Variants in SHANK2 observed in about 807,000 individuals in gnomAD.
SHANK2 encodes the protein SH3 and multiple ankyrin repeat domains protein 2.
Under a neutral mutation model 133.7 loss-of-function variants are expected in SHANK2, and 43 were observed. The observed-to-expected ratio is 0.32, with a 90% CI of 0.25 to 0.41. SHANK2 has a LOEUF of 0.41. Among genes scored for constraint, SHANK2 ranks in the 10% least tolerant of loss-of-function variants. SHANK2 has a pLI of 1.00. For synonymous variants in SHANK2, 1,017 were observed against 952.8 expected, an observed-to-expected ratio of 1.07 and a Z score of -1.24; for missense variants, 1,994 against 2,235.8, an observed-to-expected ratio of 0.89 and a Z score of 2.18.
intron 2 of SHANK2, among the ~76,000 whole-genome samples, chr11:71,201,905 T>G (rs1954027871): frequency 6.6e-6 from 1 of 152,250 alleles, no homozygotes; most frequent in Non-Finnish European, 1.5e-5. Context: ...CAGTGGCTTC[T>G]GTCATTGCCA....
Position 70,803,353 on chromosome 11 carries a change from C to T in SHANK2, c.1663+3649G>A, listed in dbSNP as rs575709670. ...ATCCATCTACCCATCCATCCATTTA[C>T]CTATCCATCCATCCATCCACCCACC... On this transcript the variant is annotated intron_variant, in intron 13 of 25. Transcript: ENST00000601538. Among the ~76,000 whole-genome samples the T allele has an allele frequency of 4.3e-3, 556 of 128,916 alleles. 14 individuals carry two copies. The highest frequency in any genetic ancestry group is 0.016 in the African/African-American group (533 of 33,016). The allele number at this position is 128,916 out of a possible 152,430, so 84.6% of individuals were successfully genotyped here.
At chr11:70,482,531 T>C (rs1258251872) in intron 25 of SHANK2, among the ~76,000 whole-genome samples, 1 of 152,244 alleles carries the variant, frequency 6.6e-6, no homozygotes, top group African/African-American at 2.4e-5. Flanking sequence ...CGCGTCTTCC[T>C]GTGAAGTAGC....
intron 2 of SHANK2, among the ~76,000 whole-genome samples, chr11:71,159,712 G>A (rs1555109575): frequency 6.6e-6 from 1 of 152,204 alleles, no homozygotes; most frequent in African/African-American, 2.4e-5. Flanking sequence ...GGCCGGGCAT[G>A]GTGGCTCATG....
At chr11:70,550,056 G>A (rs1334603355) in intron 17 of SHANK2, among the ~76,000 whole-genome samples, 1 of 152,086 alleles carries the variant, frequency 6.6e-6, no homozygotes, top group Non-Finnish European at 1.5e-5. Context: ...CACCACCCCA[G>A]AAGCCAGGAA....
chr11:70,867,422 A>G (rs1225876913), intron 11 of SHANK2, among the ~76,000 whole-genome samples: 1 of 152,236 alleles, frequency 6.6e-6, no homozygotes, highest in African/African-American at 2.4e-5. Flanking sequence ...ACGAGAGGCA[A>G]GAGCCGCTGT....
In SHANK2 at chr11:71,252,515, C is replaced by G. The variant is rs1555126019; in HGVS notation, c.-203G>C. ...TCGGCCGCGGGAACCCGAGCGGCGC[C>G]GCGCCCAGCCCCGCCGGAGCTCAGG... is the stretch of plus-strand genomic sequence containing the variant. On this transcript the variant is annotated 5_prime_UTR_variant, in exon 1 of 26. Coordinates refer to ENST00000601538, the MANE Select transcript of SHANK2 (RefSeq NM_012309.5). The surrounding 1 kb of genome is among the most constrained non-coding windows in gnomAD (Gnocchi z 6.3). 6.6e-6 allele frequency: 1 copy of G among 151,110 alleles called. No homozygotes were observed. The highest frequency in any genetic ancestry group is 1.5e-5 in the Non-Finnish European group (1 of 67,660). The allele number at this position is 151,110 out of a possible 1,614,324, so 9.4% of individuals were successfully genotyped here.
Position 70,624,761 on chromosome 11 carries a change from G to A in SHANK2, c.2061+35067C>T, listed in dbSNP as rs564252183. On this transcript the variant is annotated intron_variant, in intron 17 of 25. Coordinates refer to ENST00000601538, the MANE Select transcript of SHANK2 (RefSeq NM_012309.5). ...ACCCCACAGTGTGCAGGAGGGGCCCGCAGCAGAGTGATCCTGCTAGAAACG... is the reference window on the plus strand; with the variant it reads ...ACCCCACAGTGTGCAGGAGGGGCCCACAGCAGAGTGATCCTGCTAGAAACG... Among the ~76,000 whole-genome samples, 50 of 152,258 alleles carry A rather than the reference G, an allele frequency of 3.3e-4. No individual in the cohort carries two copies. In the East Asian group the frequency reaches 8.7e-3, roughly 27 times the overall value.
At chr11:71,090,442 CGTGT>C (rs1181678975) in intron 8 of SHANK2, among the ~76,000 whole-genome samples, 128 of 8,040 alleles carry the variant, frequency 0.016, 34 homozygotes, top group East Asian at 0.036. Context: ...AGAAACACTA[CGTGT>C]GTGTGTGTGT....
intron 17 of SHANK2, among the ~76,000 whole-genome samples, chr11:70,576,615 C>T (rs546857867): frequency 3.9e-5 from 6 of 152,122 alleles, no homozygotes; most frequent in East Asian, 3.9e-4. Flanking sequence ...GCAGCCTCGG[C>T]GACAGAGCGA....
At chr11:70,776,892 C>T (rs1231810767) in intron 14 of SHANK2, among the ~76,000 whole-genome samples, 1 of 151,398 alleles carries the variant, frequency 6.6e-6, no homozygotes, top group African/African-American at 2.4e-5. Flanking sequence ...CATCCACCCA[C>T]CCACTCACCC....
At chr11:70,923,668 C>A (rs1950384487) in intron 10 of SHANK2, among the ~76,000 whole-genome samples, 1 of 152,348 alleles carries the variant, frequency 6.6e-6, no homozygotes, top group East Asian at 1.9e-4. Context: ...CCCATCTCAG[C>A]CTCTCAAGTA....
intron 17 of SHANK2, among the ~76,000 whole-genome samples, chr11:70,598,105 G>A (rs536907703): frequency 2.6e-5 from 4 of 152,344 alleles, no homozygotes; most frequent in South Asian, 2.1e-4. Context: ...CTGGCCATGC[G>A]CTGGAGTCCA....
At chr11:71,163,917 T>C (rs1953083308) in intron 2 of SHANK2, among the ~76,000 whole-genome samples, 1 of 152,258 alleles carries the variant, frequency 6.6e-6, no homozygotes, top group Admixed American at 6.5e-5. Context: ...TTTATTTTTC[T>C]AGAGCAGGTT....
chr11:70,680,903 G>T (rs1945015901), intron 15 of SHANK2, among the ~76,000 whole-genome samples: 1 of 152,210 alleles, frequency 6.6e-6, no homozygotes, highest in South Asian at 2.1e-4. Context: ...GCACCAGCAA[G>T]CAAGCAGGCA....
intron 2 of SHANK2, among the ~76,000 whole-genome samples, chr11:71,147,631 AG>A (rs1952683351): frequency 6.6e-6 from 1 of 152,214 alleles, no homozygotes; most frequent in Non-Finnish European, 1.5e-5. Context: ...GGCACTCAAA[AG>A]GAGCCTGAGC....
chr11:70,533,744 TC>T lies in SHANK2; in HGVS notation c.2062-30814del, dbSNP rs577208919. ...TTGTGCAAGCACCACCTCTAGTTCA[TC>T]CCCCTACAAGGAAACCCCCTACCCA... On this transcript the variant is annotated intron_variant, in intron 17 of 25. Transcript: ENST00000601538. Among the ~76,000 whole-genome samples the T allele has an allele frequency of 1.1e-3, 163 of 151,988 alleles. 1 individual carries two copies. Among genetic ancestry groups the T allele is most frequent in the African/African-American group, 3.3e-3 (138 of 41,448 alleles).
chr11:70,577,482 G>A (rs1191377012), intron 17 of SHANK2, among the ~76,000 whole-genome samples: 1 of 152,258 alleles, frequency 6.6e-6, no homozygotes, highest in African/African-American at 2.4e-5. Context: ...AAAGCCACAG[G>A]CGGGTTTGCA....
At chr11:70,709,440 G>C (rs1448952984) in intron 14 of SHANK2, among the ~76,000 whole-genome samples, 1 of 152,216 alleles carries the variant, frequency 6.6e-6, no homozygotes, top group East Asian at 1.9e-4. Flanking sequence ...AGGGAGCAGG[G>C]GAGAACCCTG....
At chr11:70,944,082 C>G (rs1950685236) in intron 10 of SHANK2, 14 of 398,140 alleles carry the variant, frequency 3.5e-5, no homozygotes, top group South Asian at 2.6e-4. Context: ...GCAAGGTAGG[C>G]AGTCGACTGC....
Sources: gnomAD v4.1 joint callset for allele counts (sites outside exome capture counted in the v4.1 genomes callset) on GRCh38, gnomAD v4.1.1 for gene constraint, Gnocchi (gnomAD v3.1) non-coding constraint, MANE v1.5 for transcripts, NCBI Gene and HGNC (gene_info 2026-07-23, HGNC 2026-07-21) for gene names.